Variants in MAP3K3 observed in about 807,000 individuals in gnomAD.
MAP3K3 encodes MAP/ERK kinase kinase 3.
MAP3K3 carries 12 observed loss-of-function variants against 80.9 expected under a neutral mutation model. The observed-to-expected ratio is 0.15, with a 90% CI of 0.10 to 0.24. The LOEUF is 0.24. Among genes scored for constraint, MAP3K3 ranks in the 10% least tolerant of loss-of-function variants. The pLI, the probability that MAP3K3 is intolerant of heterozygous loss-of-function variation, is 1.00. For synonymous variants in MAP3K3, 272 were observed against 307.1 expected (o/e 0.89, Z 1.19); for missense variants, 596 against 834.7 (o/e 0.71, Z 3.52).
chr17:63,671,405 G>A lies in MAP3K3; in HGVS notation c.502+4345G>A, dbSNP rs868862435. Among the ~76,000 whole-genome samples the A allele has an allele frequency of 4.6e-5, 7 of 151,910 alleles. No homozygotes were observed. In the South Asian group the frequency reaches 6.2e-4, roughly 14 times the overall value. ...CAAGTAGCTGGGACTACAGGCATGC[G>A]CCACCACACCCAGCTAAATTTTGTA... On this transcript the variant is annotated intron_variant, in intron 6 of 15. Transcript: ENST00000361733.
rs2035432211 is a variant in MAP3K3, at chr17:63,685,595, G to A, written c.710+5G>A. On this transcript the variant is annotated splice_donor_5th_base_variant and intron_variant, in intron 8 of 15. Coordinates refer to ENST00000361733, the MANE Select transcript of MAP3K3 (RefSeq NM_002401.5). ...CTTGGACAGGTCAGCAGACAGGTAT[G>A]GGACTGTGGGTGGTTTGGAGGGTAA... 2.5e-6 allele frequency: 4 copies of A among 1,613,842 alleles called. No individual in the cohort carries two copies. Among genetic ancestry groups the A allele is most frequent in the Non-Finnish European group, 3.4e-6 (4 of 1,179,696 alleles).
At chr17:63,625,285 A>AT (rs912198428) in intron 1 of MAP3K3, among the ~76,000 whole-genome samples, 35 of 148,710 alleles carry the variant, frequency 2.4e-4, no homozygotes, top group South Asian at 1.1e-3. Context: ...ATAATAGGAA[A>AT]TTTTTTTTTT....
intron 3 of MAP3K3, among the ~76,000 whole-genome samples, chr17:63,651,101 G>A (rs1384498918): frequency 6.6e-6 from 1 of 151,832 alleles, no homozygotes; most frequent in East Asian, 1.9e-4. Context: ...TAGAGTATTG[G>A]GTTGAACCCA....
chr17:63,690,799 C>A (rs2035570066), intron 12 of MAP3K3, among the ~76,000 whole-genome samples: 1 of 152,186 alleles, frequency 6.6e-6, no homozygotes, highest in African/African-American at 2.4e-5. Flanking sequence ...CCTGTCTTTG[C>A]AGTTCAGCTT....
intron 8 of MAP3K3, among the ~76,000 whole-genome samples, chr17:63,687,910 G>A (rs796763736): frequency 4.6e-5 from 7 of 152,102 alleles, no homozygotes; most frequent in African/African-American, 1.2e-4. Context: ...ACTCCAGCCC[G>A]GCAGCAGAGC....
intron 6 of MAP3K3, among the ~76,000 whole-genome samples, chr17:63,679,574 C>T (rs1439815090): frequency 3.3e-5 from 5 of 152,120 alleles, no homozygotes; most frequent in Non-Finnish European, 7.4e-5. Flanking sequence ...CCTCAACCTC[C>T]CAGGCTCAAG....
chr17:63,661,294 G>A (rs576119957), intron 5 of MAP3K3, among the ~76,000 whole-genome samples: 1 of 152,274 alleles, frequency 6.6e-6, no homozygotes, highest in South Asian at 2.1e-4. Flanking sequence ...TGATCCGCAC[G>A]CCTCAGCTTC....
At chr17:63,653,258 A>C (rs1002792519) in intron 4 of MAP3K3, among the ~76,000 whole-genome samples, 1 of 152,218 alleles carries the variant, frequency 6.6e-6, no homozygotes, top group African/African-American at 2.4e-5. Context: ...CTGCTTTCCC[A>C]GCTCCAAGAA....
At chr17:63,684,051 A>AT (rs1178943150) in intron 7 of MAP3K3, among the ~76,000 whole-genome samples, 1 of 152,100 alleles carries the variant, frequency 6.6e-6, no homozygotes, top group African/African-American at 2.4e-5. Flanking sequence ...AGTCCCAGCT[A>AT]CTCGGGAGGC....
chr17:63,662,994 A>G (rs541398651), intron 5 of MAP3K3, among the ~76,000 whole-genome samples: 30 of 151,756 alleles, frequency 2.0e-4, no homozygotes, highest in African/African-American at 5.8e-4. Context: ...GGTTCTTAGA[A>G]TTATTGTAGT....
At chr17:63,634,012 G>A (rs146914303) in intron 2 of MAP3K3, among the ~76,000 whole-genome samples, 1 of 152,270 alleles carries the variant, frequency 6.6e-6, no homozygotes, top group East Asian at 1.9e-4. Flanking sequence ...CAAGGGAAGA[G>A]GAGTCCTTTT....
chr17:63,627,000 G>T (rs530932217), intron 1 of MAP3K3, among the ~76,000 whole-genome samples: 2 of 152,176 alleles, frequency 1.3e-5, no homozygotes, highest in Non-Finnish European at 2.9e-5. Flanking sequence ...ACTTTTCTGG[G>T]TTGTTAGCCA....
intron 3 of MAP3K3, among the ~76,000 whole-genome samples, chr17:63,651,806 A>T (rs1568132356): frequency 6.6e-6 from 1 of 152,204 alleles, no homozygotes; most frequent in Non-Finnish European, 1.5e-5. Context: ...AAGAAAACTG[A>T]TCAGGCATAT....
chr17:63,685,023 C>G (rs929992629), intron 7 of MAP3K3, among the ~76,000 whole-genome samples: 1 of 152,276 alleles, frequency 6.6e-6, no homozygotes, highest in Non-Finnish European at 1.5e-5. Context: ...CATTTTTGTT[C>G]TGGTATCAGC....
chr17:63,632,745 C>T lies in MAP3K3; in HGVS notation c.69C>T (p.His23=), dbSNP rs2034243078. 1.9e-6 allele frequency: 3 copies of T among 1,614,084 alleles called. No homozygotes were observed. The highest frequency in any genetic ancestry group is 2.5e-6 in the Non-Finnish European group (3 of 1,179,994). Residue 23 remains histidine, a synonymous_variant, in exon 2 of 16, where the codon CAC becomes CAT. Coordinates refer to ENST00000361733, the MANE Select transcript of MAP3K3 (RefSeq NM_002401.5). ...TGGCCCTCCAGATGAACCGACGTCACCGGATGCCTGGATATGAGACCATGA... is the reference window on the plus strand; with the variant it reads ...TGGCCCTCCAGATGAACCGACGTCATCGGATGCCTGGATATGAGACCATGA... ...DLVALQMNRR[H]RMPGYETMKN...
rs60049599 is a variant in MAP3K3 at position 63,693,099 on chromosome 17, A to G, written c.1653-450A>G. Among the ~76,000 whole-genome samples the G allele has an allele frequency of 4.5e-3, 690 of 152,306 alleles. 5 individuals carry two copies. Among genetic ancestry groups the G allele is most frequent in the African/African-American group, 0.016 (651 of 41,572 alleles). On this transcript the variant is annotated intron_variant, in intron 15 of 15. Transcript: ENST00000361733. The surrounding 1 kb of genome is among the most constrained non-coding windows in gnomAD (Gnocchi z 4.2). The stretch of plus-strand genomic sequence containing the variant: ...GAGCCACGAAATGCAGGTGGCCTCT[A>G]GAACCCAGGAAAGGCAAGGAAACAG...
intron 5 of MAP3K3, among the ~76,000 whole-genome samples, chr17:63,659,888 T>C (rs2034852626): frequency 6.6e-6 from 1 of 151,986 alleles, no homozygotes; most frequent in South Asian, 2.1e-4. Context: ...AAACTAGAGG[T>C]ATATAAATTA....
chr17:63,671,892 T>G (rs117752161), intron 6 of MAP3K3, among the ~76,000 whole-genome samples: 3,333 of 152,112 alleles, frequency 0.022, 59 homozygotes, highest in Admixed American at 0.032. Flanking sequence ...GGATTGAATT[T>G]GCAGGTGTTT....
intron 1 of MAP3K3, among the ~76,000 whole-genome samples, chr17:63,629,733 T>A (rs2034178165): frequency 6.6e-6 from 1 of 152,242 alleles, no homozygotes; most frequent in Non-Finnish European, 1.5e-5. Context: ...ATAACCCTGA[T>A]TCACTTGTGT....
Sources: gnomAD v4.1 joint callset for allele counts (sites outside exome capture counted in the v4.1 genomes callset) on GRCh38, gnomAD v4.1.1 for gene constraint, Gnocchi (gnomAD v3.1) non-coding constraint, MANE v1.5 for transcripts, NCBI Gene and HGNC (gene_info 2026-07-23, HGNC 2026-07-21) for gene names.